The following SOS2 variants were observed in gnomAD, a reference collection of about 807,000 sequenced individuals.
SOS2 encodes the protein SOS Ras/Rho guanine nucleotide exchange factor 2, also known as son of sevenless homolog 2.
A neutral mutation model predicts 148.2 loss-of-function variants in SOS2; 65 were observed. The observed-to-expected ratio is 0.44, with a 90% CI of 0.36 to 0.54. The LOEUF is 0.54. SOS2 is among the 20% of genes least tolerant of loss of function. The pLI is 0.00. For missense variants in SOS2, 1,341 were observed against 1,590.2 expected (o/e 0.84, Z 2.67); for synonymous variants, 539 against 537.1 (o/e 1.00, Z -0.05).
chr14:50,213,882 C>T (rs539451974), intron 1 of SOS2, among the ~76,000 whole-genome samples: 4 of 148,502 alleles, frequency 2.7e-5, no homozygotes, highest in Non-Finnish European at 4.5e-5. Context: ...AGAGTGAGTC[C>T]CTGCCAAGAA....
chr14:50,192,158 AAAAAAAAAAAAAAAAAAAG>A, intron 4 of SOS2, among the ~76,000 whole-genome samples: 1 of 25,682 alleles, frequency 3.9e-5, no homozygotes. Context: ...AAAAAAAAAA[AAAAAAAAAAAAAAAAAAAG>A]GAGCGAGCAA....
chr14:50,130,182 C>T (rs947298187), intron 20 of SOS2, among the ~76,000 whole-genome samples, 180 bp from the exon 21 acceptor site: 3 of 152,116 alleles, frequency 2.0e-5, no homozygotes, highest in Non-Finnish European at 2.9e-5. Flanking sequence ...TCCTTCTTAG[C>T]ATTAAGTGGT....
At chr14:50,216,689 C>T (rs939587176) in intron 1 of SOS2, among the ~76,000 whole-genome samples, 6 of 151,870 alleles carry the variant, frequency 4.0e-5, no homozygotes, top group East Asian at 1.9e-4. Flanking sequence ...GAGCTGAGAT[C>T]GTGCTGCTGC....
At chr14:50,216,044 A>C (rs138126855) in intron 1 of SOS2, among the ~76,000 whole-genome samples, 1 of 152,134 alleles carries the variant, frequency 6.6e-6, no homozygotes, top group African/African-American at 2.4e-5. Flanking sequence ...AAATATCTCA[A>C]ACATCAATTA....
At chr14:50,152,056 C>A (rs1298068095) in intron 13 of SOS2, among the ~76,000 whole-genome samples, 7 of 152,086 alleles carry the variant, frequency 4.6e-5, no homozygotes, top group Non-Finnish European at 7.3e-5. Flanking sequence ...AGTATTATGA[C>A]AATTTCAAGG....
chr14:50,230,186 T>C (rs988771690), intron 1 of SOS2, among the ~76,000 whole-genome samples: 2 of 152,258 alleles, frequency 1.3e-5, no homozygotes, highest in Admixed American at 6.5e-5. Context: ...CTTTCATTTA[T>C]AGAAATTTAA....
chr14:50,164,380 C>T (rs1885107528), intron 8 of SOS2, among the ~76,000 whole-genome samples: 1 of 152,044 alleles, frequency 6.6e-6, no homozygotes, highest in East Asian at 1.9e-4. Flanking sequence ...GTAGAGAATA[C>T]AGTGAGCTGA....
chr14:50,137,131 GTATAA>G (rs1396033140), intron 18 of SOS2, among the ~76,000 whole-genome samples: 7 of 152,242 alleles, frequency 4.6e-5, no homozygotes, highest in African/African-American at 1.7e-4. Flanking sequence ...CCAAGTTCAA[GTATAA>G]TATAATAACA....
intron 1 of SOS2, among the ~76,000 whole-genome samples, chr14:50,212,829 G>C (rs558255611): frequency 5.2e-4 from 79 of 152,254 alleles, no homozygotes; most frequent in Admixed American, 2.7e-3. Flanking sequence ...GAAGTGAGGA[G>C]GAGCAGATTA....
At chr14:50,161,729 A>C in intron 8 of SOS2, 120 bp from the exon 9 acceptor site, 3 of 793,854 alleles carry the variant, frequency 3.8e-6, no homozygotes, top group Non-Finnish European at 3.9e-6. Context: ...TATATACTTA[A>C]TAAAAACAGC....
intron 7 of SOS2, among the ~76,000 whole-genome samples, chr14:50,175,245 C>A (rs1885485885): frequency 6.6e-6 from 1 of 152,066 alleles, no homozygotes; most frequent in African/African-American, 2.4e-5. Context: ...GAAGTACTTA[C>A]AATAAGGTTA....
At chr14:50,156,841 T>A in intron 12 of SOS2, 158 bp downstream of exon 12, 1 of 378,164 alleles carries the variant, frequency 2.6e-6, no homozygotes, top group East Asian at 4.4e-5. Flanking sequence ...CTCTTTTAGT[T>A]TAACTTAACT....
At chr14:50,202,229 G>A (rs540444019) in intron 2 of SOS2, among the ~76,000 whole-genome samples, 1 of 152,162 alleles carries the variant, frequency 6.6e-6, no homozygotes, top group East Asian at 1.9e-4. Flanking sequence ...TTCCCAAAGT[G>A]CTGGGATTAC....
At chr14:50,178,515 G>C (rs1372687583) in intron 7 of SOS2, among the ~76,000 whole-genome samples, 2 of 151,590 alleles carry the variant, frequency 1.3e-5, no homozygotes, top group African/African-American at 4.8e-5. Flanking sequence ...CCAGGCTTGA[G>C]TGCAGTGTTG....
chr14:50,191,272 C>A (rs1886127889), intron 4 of SOS2, among the ~76,000 whole-genome samples: 1 of 152,020 alleles, frequency 6.6e-6, no homozygotes, highest in Admixed American at 6.6e-5. Context: ...CAAGACCAGC[C>A]TGGGCAATAT....
At chr14:50,187,559 C>A (rs544824903) in intron 5 of SOS2, among the ~76,000 whole-genome samples, 2 of 151,788 alleles carry the variant, frequency 1.3e-5, no homozygotes, top group Non-Finnish European at 2.9e-5. Flanking sequence ...CCGTGTTAGC[C>A]AGGATGGTCT....
chr14:50,204,904 C>CTTTTCT lies in SOS2; in HGVS notation c.88-496_88-495insAGAAAA, dbSNP rs1555322753. The stretch of plus-strand genomic sequence containing the variant: ...CACCTTTTTTTCTTTTTTTTTCTTT[C>CTTTTCT]TTTTTTTTTTTAAGCAGCTGCATCC... On this transcript the variant is annotated intron_variant, in intron 1 of 22. Transcript: ENST00000216373. Among the ~76,000 whole-genome samples, 120 of 144,238 alleles carry CTTTTCT rather than the reference C, an allele frequency of 8.3e-4. 1 individual carries two copies. Among genetic ancestry groups the CTTTTCT allele is most frequent in the African/African-American group, 2.1e-3 (83 of 39,162 alleles). The allele number at this position is 144,238 out of a possible 152,430, so 94.6% of individuals were successfully genotyped here.
chr14:50,209,878 A>C (rs985853644), intron 1 of SOS2, among the ~76,000 whole-genome samples: 2 of 152,232 alleles, frequency 1.3e-5, no homozygotes, highest in Non-Finnish European at 2.9e-5. Context: ...TAAAGAGCTA[A>C]ATAAATGAAA....
At chr14:50,177,017 C>CA in intron 7 of SOS2, among the ~76,000 whole-genome samples, 1 of 151,932 alleles carries the variant, frequency 6.6e-6, no homozygotes, top group East Asian at 1.9e-4. Flanking sequence ...CGCAAACAAA[C>CA]AAACAAAACT....
Sources: allele counts gnomAD v4.1 joint callset (sites outside exome capture counted in the v4.1 genomes callset), GRCh38; gene constraint gnomAD v4.1.1; transcripts MANE v1.5; gene names NCBI Gene and HGNC (gene_info 2026-07-23, HGNC 2026-07-21).